Variants in ARMC2 observed in about 807,000 individuals in gnomAD.
ARMC2 encodes the protein armadillo repeat-containing protein 2.
In ARMC2, 67 loss-of-function variants were observed where a neutral mutation model predicts 90.3. The observed-to-expected ratio is 0.74, with a 90% confidence interval of 0.61 to 0.91. The LOEUF is 0.91. Among genes scored for constraint, ARMC2 ranks in the 40% least tolerant of loss-of-function variants. The probability of loss-of-function intolerance (pLI) is 0.00; values close to 1 mark genes in which losing one functional copy is unlikely to be tolerated. For missense variants in ARMC2, 920 were observed against 1,030.9 expected, an observed-to-expected ratio of 0.89 and a Z score of 1.47; for synonymous variants, 393 against 393.0, an observed-to-expected ratio of 1.00 and a Z score of 0.00.
the ARMC2 span, among the ~76,000 whole-genome samples, chr6:109,047,925 C>G: frequency 6.9e-6 from 1 of 145,726 alleles, no homozygotes. Flanking sequence ...TCACCACTCC[C>G]TAATCTCAAG....
intron 3 of ARMC2, among the ~76,000 whole-genome samples, chr6:108,862,363 AAAAAC>A (rs1775352041): frequency 6.7e-6 from 1 of 149,230 alleles, no homozygotes; most frequent in African/African-American, 2.5e-5. Context: ...AAAAAACAAA[AAAAAC>A]AAACAAAACC....
chr6:108,907,801 G>A (rs933513638), intron 8 of ARMC2: 21 of 1,609,432 alleles, frequency 1.3e-5, no homozygotes, highest in Non-Finnish European at 1.8e-5. Flanking sequence ...CCCCCATCAA[G>A]ATCCAGCTTG....
intron 5 of ARMC2, among the ~76,000 whole-genome samples, chr6:108,892,053 A>G (rs1028084649): frequency 1.3e-5 from 2 of 152,194 alleles, no homozygotes; most frequent in African/African-American, 4.8e-5. Context: ...ATCACTGACC[A>G]TGACTTGAGG....
At chr6:108,936,184 T>G (rs1775943444) in intron 11 of ARMC2, among the ~76,000 whole-genome samples, 1 of 152,226 alleles carries the variant, frequency 6.6e-6, no homozygotes, top group Non-Finnish European at 1.5e-5. Flanking sequence ...AATATTAGTA[T>G]AGCACTACCA....
the ARMC2 span, chr6:108,992,853 C>A: frequency 6.2e-7 from 1 of 1,613,562 alleles, no homozygotes; most frequent in Non-Finnish European, 8.5e-7. Context: ...AACTAGTATC[C>A]TCAAAATGAC....
the ARMC2 span, among the ~76,000 whole-genome samples, chr6:109,040,329 C>T: frequency 1.2e-3 from 187 of 152,042 alleles, 1 homozygote; most frequent in African/African-American, 4.1e-3. Flanking sequence ...AGTATTACGA[C>T]TGAGGATTTT....
chr6:108,896,322 A>T (rs1173846217), intron 6 of ARMC2, among the ~76,000 whole-genome samples: 1 of 152,234 alleles, frequency 6.6e-6, no homozygotes, highest in East Asian at 1.9e-4. Context: ...CATAATGTTT[A>T]TATTTAGCAA....
intron 12 of ARMC2, among the ~76,000 whole-genome samples, chr6:108,946,578 A>T (rs1243910878): frequency 6.6e-6 from 1 of 152,212 alleles, no homozygotes; most frequent in Non-Finnish European, 1.5e-5. Context: ...GGTAAGTTGG[A>T]TAAACAAAGC....
At position 108,962,114 on chromosome 6, in the gene ARMC2, T is replaced by G. The variant is rs1326138840; in HGVS notation, c.2139T>G (p.Ile713Met). 5 of 1,607,266 alleles carry G rather than the reference T, an allele frequency of 3.1e-6. No homozygotes were observed. Among genetic ancestry groups the G allele is most frequent in the Non-Finnish European group, 4.3e-6 (5 of 1,175,008 alleles). ...LSQDHDVCDFIVQNNVHRFMM... is the reference protein window; with the variant it reads ...LSQDHDVCDFMVQNNVHRFMM... The stretch of plus-strand genomic sequence containing the variant: ...AGGACCATGATGTCTGCGATTTCAT[T>G]GTGCAGAACAATGGTGAGTTAATAA... Residue 713 changes from isoleucine to methionine, a missense_variant, in exon 15 of 18, where the codon ATT becomes ATG. By Grantham distance (10) the Ile-to-Met change is conservative. Coordinates refer to ENST00000392644, the MANE Select transcript of ARMC2 (RefSeq NM_032131.6).
rs141617520 is a variant in ARMC2, at chr6:108,901,564, C to T, written c.847+1772C>T. ...CTCAGTGGCTGGGATGACAGGTGCG[C>T]ACCACCACACCCTGCTAATTTTTTG... On this transcript the variant is annotated intron_variant, in intron 7 of 17. Coordinates refer to ENST00000392644, the MANE Select transcript of ARMC2 (RefSeq NM_032131.6). 7.5e-3 allele frequency among the ~76,000 whole-genome samples: 1,145 copies of T among 151,916 alleles called. 16 individuals are homozygous for T. Among genetic ancestry groups the T allele is most frequent in the African/African-American group, 0.026 (1,093 of 41,388 alleles).
At chr6:108,972,639 G>T (rs1309526423) in intron 17 of ARMC2, among the ~76,000 whole-genome samples, 1 of 152,130 alleles carries the variant, frequency 6.6e-6, no homozygotes, top group Non-Finnish European at 1.5e-5. Flanking sequence ...TAAGGAATTA[G>T]TTGAAATAAG....
chr6:108,961,770 G>A, intron 14 of ARMC2, 76 bp downstream of exon 14: 2 of 1,436,650 alleles, frequency 1.4e-6, no homozygotes, highest in South Asian at 1.4e-5. Context: ...CACAGAGCAG[G>A]AGACATTACT....
chr6:108,849,101 C>T (rs542112617), intron 1 of ARMC2, among the ~76,000 whole-genome samples: 1 of 152,264 alleles, frequency 6.6e-6, no homozygotes, highest in East Asian at 1.9e-4. Context: ...TTCCAGGCAA[C>T]AGGGCCTCAA....
intron 14 of ARMC2, 114 bp downstream of exon 14, chr6:108,961,808 C>T: frequency 1.5e-6 from 2 of 1,291,876 alleles, no homozygotes; most frequent in Non-Finnish European, 2.1e-6. Context: ...ACAGAAATGT[C>T]TTAGAGCCTG....
intron 13 of ARMC2, among the ~76,000 whole-genome samples, chr6:108,955,545 C>G (rs1306793941): frequency 6.6e-6 from 1 of 152,178 alleles, no homozygotes. Context: ...TCACCGGGCC[C>G]CTGACCTGTG....
Position 108,962,075 on chromosome 6 carries a change from C to T in ARMC2, c.2100C>T (p.Phe700=), listed in dbSNP as rs372969724. ...MDGILEAVRV[F]GNLSQDHDVC... ...GAATCCTGGAGGCTGTGCGTGTTTT[C>T]GGAAATCTCTCCCAGGACCATGATG... The change falls in exon 15 of 18, where the codon TTC becomes TTT. Residue 700 remains phenylalanine (F), a synonymous_variant. Coordinates refer to ENST00000392644, the MANE Select transcript of ARMC2 (RefSeq NM_032131.6). 6.0e-5 allele frequency: 97 copies of T among 1,613,444 alleles called. No individual in the cohort carries two copies. In the East Asian group the frequency reaches 1.4e-3, roughly 24 times the overall value.
chr6:109,049,923 C>T, the ARMC2 span, among the ~76,000 whole-genome samples: 2 of 151,924 alleles, frequency 1.3e-5, no homozygotes, highest in Non-Finnish European at 2.9e-5. Flanking sequence ...CCATGTCTGA[C>T]TTTGGTTTGA....
At chr6:108,852,463 T>C (rs1359348954) in intron 1 of ARMC2, among the ~76,000 whole-genome samples, 1 of 152,232 alleles carries the variant, frequency 6.6e-6, no homozygotes, top group Admixed American at 6.5e-5. Flanking sequence ...ACATTGTTTC[T>C]ATCAGTATAG....
At chr6:109,030,387 T>A in the ARMC2 span, among the ~76,000 whole-genome samples, 1 of 151,690 alleles carries the variant, frequency 6.6e-6, no homozygotes, top group African/African-American at 2.4e-5. Flanking sequence ...TGTAGATTGC[T>A]AGTAGTAAGT....
Sources: gnomAD v4.1 joint callset for allele counts (sites outside exome capture counted in the v4.1 genomes callset) on GRCh38, gnomAD v4.1.1 for gene constraint, MANE v1.5 for transcripts, NCBI Gene and HGNC (gene_info 2026-07-23, HGNC 2026-07-21) for gene names.